Variants in SPATA31H1 observed in about 807,000 individuals in gnomAD.
The protein encoded by SPATA31H1 is SPATA31 subfamily H member 1.
the SPATA31H1 span, among the ~76,000 whole-genome samples, chr2:27,562,536 T>C: frequency 6.8e-6 from 1 of 146,694 alleles, no homozygotes; most frequent in African/African-American, 2.5e-5. Context: ...TAAATAAATA[T>C]ATATATATGT....
At chr2:27,548,632 G>C in the SPATA31H1 span, among the ~76,000 whole-genome samples, 1 of 149,628 alleles carries the variant, frequency 6.7e-6, no homozygotes, top group South Asian at 2.1e-4. Flanking sequence ...AATCCCAATT[G>C]TCTCCTAAGT....
chr2:27,574,592 G>T, the SPATA31H1 span: 1 of 398,422 alleles, frequency 2.5e-6, no homozygotes. Context: ...TTCAAAGTAT[G>T]AAATCAATGG....
At chr2:27,569,422 G>A in the SPATA31H1 span, 2 of 398,782 alleles carry the variant, frequency 5.0e-6, no homozygotes, top group African/African-American at 4.1e-5. Flanking sequence ...TCAGAAACAG[G>A]ATTTTTGGAG....
At chr2:27,572,350 C>T in the SPATA31H1 span, 1 of 398,448 alleles carries the variant, frequency 2.5e-6, no homozygotes, top group East Asian at 3.6e-5. Context: ...CAGTGGATAA[C>T]AAGACCTGAG....
the SPATA31H1 span, among the ~76,000 whole-genome samples, chr2:27,546,326 T>C: frequency 4.6e-5 from 7 of 152,060 alleles, no homozygotes; most frequent in South Asian, 2.1e-4. Flanking sequence ...TTATTTTTTT[T>C]CTTTCACATT....
chr2:27,579,662 A>G, the SPATA31H1 span: 19 of 1,614,062 alleles, frequency 1.2e-5, no homozygotes, highest in African/African-American at 2.5e-4. Context: ...TGGTAAAGTC[A>G]GAGTCTTCCC....
chr2:27,580,178 A>G, the SPATA31H1 span: 1 of 1,614,138 alleles, frequency 6.2e-7, no homozygotes, highest in Non-Finnish European at 8.5e-7. Flanking sequence ...GGAAAGCTAA[A>G]ATCTATACTC....
chr2:27,581,867 C>CCATTGCAGTCCCTCTGAGAGAAGA, the SPATA31H1 span: 1 of 1,607,480 alleles, frequency 6.2e-7, no homozygotes, highest in Non-Finnish European at 8.5e-7. Flanking sequence ...CTGAGAGAAG[C>CCATTGCAGTCCCTCTGAGAGAAGA]CATTGCAGTC....
At chr2:27,580,015 C>T in the SPATA31H1 span, 2 of 1,614,124 alleles carry the variant, frequency 1.2e-6, no homozygotes, top group Non-Finnish European at 1.7e-6. Flanking sequence ...CTTATCTATC[C>T]ACAGCTCCAC....
the SPATA31H1 span, among the ~76,000 whole-genome samples, chr2:27,547,331 G>A: frequency 6.6e-6 from 1 of 151,714 alleles, no homozygotes; most frequent in Non-Finnish European, 1.5e-5. Flanking sequence ...ACACCACCAT[G>A]CCCAGCTAAT....
chr2:27,577,539 T>G, the SPATA31H1 span: 1 of 1,614,154 alleles, frequency 6.2e-7, no homozygotes, highest in Non-Finnish European at 8.5e-7. This position sits in a 1 kb window ranked among gnomAD's most constrained non-coding sequence, Gnocchi z 4.5. Context: ...GGAGGTGATC[T>G]CTGAGAAAAG....
the SPATA31H1 span, among the ~76,000 whole-genome samples, chr2:27,542,208 C>A: frequency 6.6e-6 from 1 of 151,980 alleles, no homozygotes; most frequent in Non-Finnish European, 1.5e-5. Flanking sequence ...ACCAGCCTGG[C>A]AAACATGCTG....
the SPATA31H1 span, chr2:27,578,152 T>G: frequency 6.2e-7 from 1 of 1,614,118 alleles, no homozygotes; most frequent in Non-Finnish European, 8.5e-7. Flanking sequence ...GTAAAGTCTG[T>G]GACGATACCA....
the SPATA31H1 span, among the ~76,000 whole-genome samples, chr2:27,555,828 G>T: frequency 1.3e-5 from 2 of 151,118 alleles, no homozygotes; most frequent in Non-Finnish European, 2.9e-5. Flanking sequence ...TTTTATTTTT[G>T]CTGGTTAAGA....
the SPATA31H1 span, among the ~76,000 whole-genome samples, chr2:27,565,713 T>TC: frequency 6.6e-6 from 1 of 151,760 alleles, no homozygotes; most frequent in East Asian, 1.9e-4. Context: ...CCCTATCTTT[T>TC]CCCCCCCACC....
chr2:27,549,617 C>T, the SPATA31H1 span, among the ~76,000 whole-genome samples: 1,102 of 151,798 alleles, frequency 7.3e-3, 23 homozygotes, highest in African/African-American at 0.025. Flanking sequence ...CAAGACCAGC[C>T]TGGCCAACAT....
chr2:27,558,918 GGAGGGGGAGGGA>G, the SPATA31H1 span, among the ~76,000 whole-genome samples: 1 of 95,582 alleles, frequency 1.0e-5, no homozygotes, highest in East Asian at 3.5e-4. Flanking sequence ...AGAGGGAGAG[GGAGGGGGAGGGA>G]GAGGGAGAGG....
the SPATA31H1 span, among the ~76,000 whole-genome samples, chr2:27,550,708 T>C: frequency 5.3e-3 from 807 of 151,970 alleles, 14 homozygotes; most frequent in African/African-American, 0.019. Context: ...CATGAGTCAC[T>C]GCGCCTGGCT....
chr2:27,579,031 T>C, the SPATA31H1 span: 1 of 1,614,054 alleles, frequency 6.2e-7, no homozygotes, highest in African/African-American at 1.3e-5. Context: ...GGAGTGGATG[T>C]AATATCTAAA....
Sources: allele counts gnomAD v4.1 joint callset (sites outside exome capture counted in the v4.1 genomes callset), GRCh38; gene constraint gnomAD v4.1.1; non-coding constraint Gnocchi (gnomAD v3.1); transcripts MANE v1.5; gene names NCBI Gene and HGNC (gene_info 2026-07-23, HGNC 2026-07-21).